The following UNC5C variants were observed in gnomAD, a reference collection of about 807,000 sequenced individuals.
UNC5C encodes netrin receptor UNC5C.
A neutral mutation model predicts 99.8 loss-of-function variants in UNC5C; 47 were observed. The ratio of observed to expected loss-of-function variants is 0.47; its 90% confidence interval spans 0.37 to 0.60. UNC5C has a LOEUF of 0.60. Among genes scored for constraint, UNC5C ranks in the 20% least tolerant of loss-of-function variants. UNC5C has a pLI of 0.00. For missense variants in UNC5C, 1,062 were observed against 1,165.9 expected (o/e 0.91, Z 1.30); for synonymous variants, 487 against 452.2 (o/e 1.08, Z -0.98).
At chr4:95,465,087 T>TAA (rs1747732743) in intron 1 of UNC5C, among the ~76,000 whole-genome samples, 1 of 152,154 alleles carries the variant, frequency 6.6e-6, no homozygotes, top group Non-Finnish European at 1.5e-5. Flanking sequence ...CAGGGTGTCA[T>TAA]AAAAAGCCTC....
chr4:95,362,558 C>T (rs1744426882), intron 1 of UNC5C, among the ~76,000 whole-genome samples: 1 of 152,146 alleles, frequency 6.6e-6, no homozygotes, highest in Admixed American at 6.6e-5. Flanking sequence ...CTGGGATTTT[C>T]TGTTACATGA....
chr4:95,475,358 T>A (rs930444579), intron 1 of UNC5C, among the ~76,000 whole-genome samples: 1 of 151,922 alleles, frequency 6.6e-6, no homozygotes, highest in Non-Finnish European at 1.5e-5. Flanking sequence ...AAATTGAAGT[T>A]GCTTCAATTT....
intron 10 of UNC5C, among the ~76,000 whole-genome samples, chr4:95,214,008 C>T (rs1738162555): frequency 6.6e-6 from 1 of 152,146 alleles, no homozygotes; most frequent in Non-Finnish European, 1.5e-5. Flanking sequence ...GGCTTTGGAA[C>T]CCAATTCCCC....
chr4:95,472,744 G>A (rs561196846), intron 1 of UNC5C, among the ~76,000 whole-genome samples: 9 of 151,996 alleles, frequency 5.9e-5, no homozygotes, highest in Admixed American at 3.3e-4. Context: ...TCTGACAATC[G>A]TTTCAGATTC....
At chr4:95,384,014 T>C (rs1409910707) in intron 1 of UNC5C, among the ~76,000 whole-genome samples, 1 of 152,184 alleles carries the variant, frequency 6.6e-6, no homozygotes, top group African/African-American at 2.4e-5. Context: ...ACTAAACACA[T>C]TTGTAAATAG....
intron 1 of UNC5C, among the ~76,000 whole-genome samples, chr4:95,469,980 G>A (rs1747916605): frequency 6.6e-6 from 1 of 152,056 alleles, no homozygotes; most frequent in African/African-American, 2.4e-5. Context: ...TATGTACTAA[G>A]GTGAATTTTA....
chr4:95,237,121 ATTTTAT>A (rs1262490342), intron 7 of UNC5C, among the ~76,000 whole-genome samples: 1 of 152,196 alleles, frequency 6.6e-6, no homozygotes, highest in Non-Finnish European at 1.5e-5. Context: ...GTATTTTAAC[ATTTTAT>A]TTTTAATTGT....
chr4:95,239,880 A>G (rs1739270323), intron 7 of UNC5C, among the ~76,000 whole-genome samples: 1 of 152,210 alleles, frequency 6.6e-6, no homozygotes, highest in South Asian at 2.1e-4. Flanking sequence ...TTAGCTTTTG[A>G]AAAAATATTA....
chr4:95,242,478 G>T lies in UNC5C; in HGVS notation c.1059C>A (p.Asp353Glu), dbSNP rs201363473. 122 of 1,613,990 alleles carry T rather than the reference G, an allele frequency of 7.6e-5. 1 individual carries two copies. Among genetic ancestry groups the T allele is most frequent in the Middle Eastern group, 1.6e-4 (1 of 6,062 alleles). Residue 353 changes from aspartate (D) to glutamate (E), a missense_variant, in exon 7 of 16, where the codon GAC becomes GAA. Physicochemically the swap from Asp to Glu is conservative, Grantham distance 45. Around this residue, in one of 3 missense-constraint regions of UNC5C, gnomAD observed 810 missense variants for 854.5 expected, o/e 0.95. Coordinates refer to ENST00000453304, the MANE Select transcript of UNC5C (RefSeq NM_003728.4). ...PAPKNGGKDC[D>E]GLVLQSKNCT... ...AGTTCTTGGATTGCAAGACGAGGCC[G>T]TCGCAGTCCTTGCCTCCATTCTTGG... is the stretch of plus-strand genomic sequence containing the variant.
Position 95,206,805 on chromosome 4 carries a change from A to C in UNC5C, c.1734-9T>G, listed in dbSNP as rs1737894870. On this transcript the variant is annotated splice_polypyrimidine_tract_variant and intron_variant, in intron 10 of 15. Transcript: ENST00000453304. ...AGTCATCCATGGGTGGCCTAGGAGG[A>C]GAGCAGAGAATGGCTTCAGTGACAT... 24 of 1,560,308 alleles carry C rather than the reference A, an allele frequency of 1.5e-5. No individual in the cohort carries two copies. The highest frequency in any genetic ancestry group is 2.0e-5 in the Non-Finnish European group (23 of 1,154,654).
Position 95,201,173 on chromosome 4 carries a change from C to T in UNC5C, c.2136+1558G>A, listed in dbSNP as rs1189391156. Among the ~76,000 whole-genome samples the T allele has an allele frequency of 3.9e-5, 6 of 152,304 alleles. No individual in the cohort carries two copies. In the South Asian group the frequency reaches 1.2e-3, roughly 32 times the overall value. On this transcript the variant is annotated intron_variant, in intron 12 of 15. Transcript: ENST00000453304. The stretch of plus-strand genomic sequence containing the variant: ...TGTTTATGCCACCCAGTCCGTGGTA[C>T]TTTGTCAGAGCTGCCCAAACTGTCT...
intron 10 of UNC5C, among the ~76,000 whole-genome samples, chr4:95,213,297 A>AT (rs1738137442): frequency 6.6e-6 from 1 of 152,256 alleles, no homozygotes; most frequent in Admixed American, 6.5e-5. Flanking sequence ...GGTCGGGTTC[A>AT]TTTGTGCAAA....
rs746858877 is a variant in UNC5C, at chr4:95,220,127, T to C, written c.1158A>G (p.Ala386=). ...CAGAGATCGCCAGGCAAACGATCAC[T>C]GCTATCACAATCCCAACATAGAGAG... ...DVALYVGIVI[A]VIVCLAISVV... Residue 386 remains alanine (A), a synonymous_variant, in exon 8 of 16, where the codon GCA becomes GCG. Coordinates refer to ENST00000453304, the MANE Select transcript of UNC5C (RefSeq NM_003728.4). 6.2e-7 allele frequency: 1 copy of C among 1,614,094 alleles called. No individual in the cohort carries two copies. The highest frequency in any genetic ancestry group is 8.5e-7 in the Non-Finnish European group (1 of 1,179,988).
intron 11 of UNC5C, 147 bp downstream of exon 11, chr4:95,206,481 G>C: frequency 8.8e-7 from 1 of 1,130,204 alleles, no homozygotes; most frequent in Non-Finnish European, 1.2e-6. Context: ...TCAGGAACTA[G>C]TCTGCCTGCC....
At chr4:95,368,554 C>G (rs919632609) in intron 1 of UNC5C, among the ~76,000 whole-genome samples, 17 of 152,056 alleles carry the variant, frequency 1.1e-4, no homozygotes, top group Admixed American at 1.0e-3. Context: ...GTGACTTTTT[C>G]AAGAGGCCAC....
intron 12 of UNC5C, among the ~76,000 whole-genome samples, chr4:95,191,401 G>C (rs912029381): frequency 2.0e-5 from 3 of 152,100 alleles, no homozygotes; most frequent in African/African-American, 7.2e-5. Flanking sequence ...TGCCCCCAGG[G>C]TCCAGGCTGA....
At chr4:95,242,361 C>T in intron 7 of UNC5C, 68 bp downstream of exon 7, 1 of 1,579,746 alleles carries the variant, frequency 6.3e-7, no homozygotes, top group East Asian at 2.3e-5. Flanking sequence ...CTAATGTTTC[C>T]TTAAAAAACT....
At chr4:95,193,594 A>G (rs553878684) in intron 12 of UNC5C, among the ~76,000 whole-genome samples, 2 of 152,174 alleles carry the variant, frequency 1.3e-5, no homozygotes, top group African/African-American at 2.4e-5. Flanking sequence ...TCTGTTCATT[A>G]TCATGTGTCG....
chr4:95,409,489 T>C (rs957440604), intron 1 of UNC5C, among the ~76,000 whole-genome samples: 1 of 152,226 alleles, frequency 6.6e-6, no homozygotes, highest in African/African-American at 2.4e-5. Context: ...TTTTCAAATG[T>C]GCATTAATGT....
Sources: allele counts gnomAD v4.1 joint callset (sites outside exome capture counted in the v4.1 genomes callset), GRCh38; gene constraint gnomAD v4.1.1; regional missense constraint gnomAD v4.1.1; transcripts MANE v1.5; gene names NCBI Gene and HGNC (gene_info 2026-07-23, HGNC 2026-07-21).